ATL2: variants seen among roughly 807,000 people sequenced by gnomAD.
The protein encoded by ATL2 is atlastin-2.
In ATL2, 31 loss-of-function variants were observed where a neutral mutation model predicts 73.9. The observed-to-expected ratio is 0.42, with a 90% CI of 0.32 to 0.57. The LOEUF is 0.57. Among genes scored for constraint, ATL2 ranks in the 20% least tolerant of loss-of-function variants. ATL2 has a pLI of 0.14. For missense variants in ATL2, 738 were observed against 702.6 expected, an observed-to-expected ratio of 1.05 and a Z score of -0.57; for synonymous variants, 291 against 237.5, an observed-to-expected ratio of 1.23 and a Z score of -2.07.
intron 1 of ATL2, among the ~76,000 whole-genome samples, chr2:38,349,705 C>A (rs993396627): frequency 1.5e-4 from 22 of 151,164 alleles, no homozygotes; most frequent in African/African-American, 3.9e-4. Context: ...AAAAAAAAAA[C>A]CCCACTGGGC....
chr2:38,351,550 G>T lies in ATL2; in HGVS notation c.119-8038C>A, dbSNP rs531705678. On this transcript the variant is annotated intron_variant, in intron 1 of 12. Transcript: ENST00000378954. ...GCTCTGTTGCCCAGGCTGGAGTGCA[G>T]TGGCACGATCTCGGCTCACTACAAC... 8.8e-4 allele frequency among the ~76,000 whole-genome samples: 133 copies of T among 151,006 alleles called. 1 individual carries two copies. Among genetic ancestry groups the T allele is most frequent in the African/African-American group, 2.7e-3 (112 of 41,166 alleles).
At chr2:38,301,871 G>A (rs1334573296) in intron 9 of ATL2, among the ~76,000 whole-genome samples, 1 of 152,216 alleles carries the variant, frequency 6.6e-6, no homozygotes, top group Admixed American at 6.5e-5. Context: ...GACTGCTAGT[G>A]TCACTCCCCC....
chr2:38,335,627 G>T lies in ATL2; in HGVS notation c.363+7641C>A, dbSNP rs777478648. On this transcript the variant is annotated intron_variant, in intron 2 of 12. Transcript: ENST00000378954. ...GGAAGGGGAATTAGAGAGCCTCCTA[G>T]AATGCAGGAAATGCTGTCTTGTTCT... Among the ~76,000 whole-genome samples the T allele has an allele frequency of 5.9e-5, 9 of 152,256 alleles. No homozygotes were observed. The East Asian group carries it at 1.5e-3, about 26-fold the overall frequency.
chr2:38,360,595 A>G (rs1405331935), intron 1 of ATL2, among the ~76,000 whole-genome samples: 2 of 152,106 alleles, frequency 1.3e-5, no homozygotes, highest in African/African-American at 4.8e-5. Flanking sequence ...GGGGAACTCT[A>G]TAATCAACAA....
Position 38,322,872 on chromosome 2 carries a change from C to A in ATL2, c.364-3853G>T, listed in dbSNP as rs186417642. 2.4e-4 allele frequency among the ~76,000 whole-genome samples: 37 copies of A among 152,220 alleles called. 1 individual carries two copies. In the East Asian group the frequency reaches 6.9e-3, roughly 29 times the overall value. ...CCAGCCTGGATGACAGAGTGAGAGA[C>A]CCTGCCTCTATTTAACAACAACAAC... On this transcript the variant is annotated intron_variant, in intron 2 of 12. Coordinates refer to ENST00000378954, the MANE Select transcript of ATL2 (RefSeq NM_001135673.4).
intron 10 of ATL2, among the ~76,000 whole-genome samples, chr2:38,299,764 T>A (rs141411128): frequency 6.6e-6 from 1 of 152,164 alleles, no homozygotes; most frequent in East Asian, 1.9e-4. Flanking sequence ...TACTATAAAA[T>A]GGAAAAATAG....
intron 2 of ATL2, among the ~76,000 whole-genome samples, chr2:38,337,659 G>A (rs1669449529): frequency 6.6e-6 from 1 of 151,602 alleles, no homozygotes; most frequent in African/African-American, 2.4e-5. Context: ...ATTGATCACA[G>A]GGATTTACTT....
intron 2 of ATL2, among the ~76,000 whole-genome samples, chr2:38,330,236 C>G (rs1247475657): frequency 1.3e-5 from 2 of 149,900 alleles, no homozygotes; most frequent in African/African-American, 2.4e-5. Flanking sequence ...AAAAAAACTC[C>G]CAGCACACTA....
At chr2:38,345,493 A>C (rs1669967198) in intron 1 of ATL2, among the ~76,000 whole-genome samples, 1 of 152,230 alleles carries the variant, frequency 6.6e-6, no homozygotes, top group Non-Finnish European at 1.5e-5. Flanking sequence ...GCACTATTTC[A>C]AAATGTGCTG....
At chr2:38,307,550 G>C (rs1183671136) in intron 9 of ATL2, among the ~76,000 whole-genome samples, 1 of 151,960 alleles carries the variant, frequency 6.6e-6, no homozygotes, top group Non-Finnish European at 1.5e-5. Context: ...AAATTGGTCT[G>C]GTCTGGGAAA....
At chr2:38,367,608 AAAAAAAAACCGC>A (rs1671411491) in intron 1 of ATL2, among the ~76,000 whole-genome samples, 2 of 147,640 alleles carry the variant, frequency 1.4e-5, no homozygotes, top group South Asian at 2.1e-4. Flanking sequence ...AAAAAAAAAA[AAAAAAAAACCGC>A]CCATTTAAAA....
At chr2:38,341,171 T>G (rs1669693071) in intron 2 of ATL2, among the ~76,000 whole-genome samples, 1 of 152,194 alleles carries the variant, frequency 6.6e-6, no homozygotes, top group Admixed American at 6.5e-5. Context: ...ACATTTGCAC[T>G]AAACAGCTTA....
At chr2:38,308,366 C>G (rs1428030311) in intron 9 of ATL2, among the ~76,000 whole-genome samples, 1 of 152,152 alleles carries the variant, frequency 6.6e-6, no homozygotes. Flanking sequence ...AAACAAACTT[C>G]ACATGTTCTC....
chr2:38,356,360 T>A (rs1033856248), intron 1 of ATL2, among the ~76,000 whole-genome samples: 32 of 152,020 alleles, frequency 2.1e-4, no homozygotes, highest in Admixed American at 2.6e-4. Context: ...AATTTTTTTT[T>A]AAATTTTTTG....
chr2:38,343,158 A>T lies in ATL2; in HGVS notation c.363+110T>A, dbSNP rs1288812736. ...GTGAGACCACTTAAATTAAAAAAAAAAAAAAAAAAAAAAAAAAAAAGATAT... is the reference window on the plus strand; with the variant it reads ...GTGAGACCACTTAAATTAAAAAAAATAAAAAAAAAAAAAAAAAAAAGATAT... On this transcript the variant is annotated intron_variant, in intron 2 of 12. Transcript: ENST00000378954. 55 of 374,992 alleles carry T rather than the reference A, an allele frequency of 1.5e-4. No individual in the cohort carries two copies. In the South Asian group the frequency reaches 4.4e-3, roughly 30 times the overall value. The allele number at this position is 374,992 out of a possible 1,614,324, so 23.2% of individuals were successfully genotyped here.
chr2:38,350,798 CA>C (rs1670294919), intron 1 of ATL2, among the ~76,000 whole-genome samples: 1 of 151,604 alleles, frequency 6.6e-6, no homozygotes. Context: ...TTAAATAAGA[CA>C]CCTGTCTTTT....
chr2:38,365,928 CAA>C (rs1558457770), intron 1 of ATL2, among the ~76,000 whole-genome samples: 2 of 151,554 alleles, frequency 1.3e-5, no homozygotes, highest in African/African-American at 2.4e-5. Flanking sequence ...GCCTGGGCGA[CAA>C]GAGCTAAACT....
At chr2:38,335,111 T>C (rs1669277553) in intron 2 of ATL2, among the ~76,000 whole-genome samples, 1 of 151,142 alleles carries the variant, frequency 6.6e-6, no homozygotes, top group African/African-American at 2.4e-5. Flanking sequence ...TCACAAGATA[T>C]ACAGCAACTG....
At chr2:38,366,716 C>T (rs953299803) in intron 1 of ATL2, among the ~76,000 whole-genome samples, 8 of 152,152 alleles carry the variant, frequency 5.3e-5, no homozygotes, top group African/African-American at 1.9e-4. Context: ...CTATGATCTA[C>T]GTGAAAGCTT....
Sources: gnomAD v4.1 joint callset for allele counts (sites outside exome capture counted in the v4.1 genomes callset) on GRCh38, gnomAD v4.1.1 for gene constraint, MANE v1.5 for transcripts, NCBI Gene and HGNC (gene_info 2026-07-23, HGNC 2026-07-21) for gene names.